The following GALNT14 variants were observed in gnomAD, a reference collection of about 807,000 sequenced individuals.
GALNT14 encodes UDP-GalNAc:polypeptide N-acetylgalactosaminyltransferase 14.
In GALNT14, 60 loss-of-function variants were observed where a neutral mutation model predicts 77.5. The ratio of observed to expected loss-of-function variants is 0.77; its 90% CI spans 0.63 to 0.96. GALNT14 has a LOEUF of 0.96. Ranked by LOEUF, GALNT14 falls within the 40% of genes least tolerant of loss-of-function variation. GALNT14 has a pLI of 0.00. For synonymous variants in GALNT14, 280 were observed against 281.7 expected (o/e 0.99, Z 0.06); for missense variants, 710 against 731.0 (o/e 0.97, Z 0.33).
chr2:30,994,947 C>T (rs895361059), intron 1 of GALNT14, among the ~76,000 whole-genome samples: 2 of 152,084 alleles, frequency 1.3e-5, no homozygotes, highest in Non-Finnish European at 2.9e-5. Flanking sequence ...GCTATGAGAG[C>T]AGAGGAGTGA....
intron 1 of GALNT14, among the ~76,000 whole-genome samples, chr2:31,053,020 C>T (rs960379640): frequency 9.2e-5 from 14 of 152,150 alleles, no homozygotes; most frequent in African/African-American, 3.1e-4. Flanking sequence ...GAGCCACTCA[C>T]TCAGCCCGGC....
intron 1 of GALNT14, among the ~76,000 whole-genome samples, chr2:31,012,948 T>A (rs1270506108): frequency 6.6e-6 from 1 of 151,716 alleles, no homozygotes; most frequent in Non-Finnish European, 1.5e-5. Context: ...AGCAATGGAA[T>A]AAAGAATGAT....
intron 6 of GALNT14, among the ~76,000 whole-genome samples, chr2:30,948,776 T>C (rs374248567): frequency 4.6e-5 from 7 of 152,186 alleles, no homozygotes; most frequent in African/African-American, 1.7e-4. Flanking sequence ...TTGTAGCAAG[T>C]TATTAAACCT....
intron 1 of GALNT14, among the ~76,000 whole-genome samples, chr2:30,995,915 T>C (rs1670003477): frequency 6.6e-6 from 1 of 152,224 alleles, no homozygotes; most frequent in Non-Finnish European, 1.5e-5. Context: ...GGATCTGTGG[T>C]GCTGGAGATC....
At chr2:30,955,309 C>T (rs1667294404) in intron 6 of GALNT14, among the ~76,000 whole-genome samples, 1 of 152,192 alleles carries the variant, frequency 6.6e-6, no homozygotes. Flanking sequence ...TCCGGTAGAA[C>T]CGGTTCTGGG....
chr2:30,933,295 T>A (rs1276226346), intron 9 of GALNT14, among the ~76,000 whole-genome samples: 2 of 152,166 alleles, frequency 1.3e-5, no homozygotes, highest in Non-Finnish European at 2.9e-5. Context: ...GCTCCTCATG[T>A]GTAGGTATTC....
chr2:30,954,335 A>C (rs1454528671), intron 6 of GALNT14, among the ~76,000 whole-genome samples: 6 of 152,224 alleles, frequency 3.9e-5, no homozygotes, highest in African/African-American at 1.4e-4. Flanking sequence ...ATATCAAAAA[A>C]GAGTAGGAGA....
chr2:31,082,518 C>G (rs868689678), intron 1 of GALNT14, among the ~76,000 whole-genome samples: 4 of 152,178 alleles, frequency 2.6e-5, no homozygotes, highest in Non-Finnish European at 4.4e-5. Context: ...GGAGGCTGAC[C>G]TGAAGCTGAA....
chr2:31,138,100 G>A lies in GALNT14; in HGVS notation c.-14C>T, dbSNP rs1480101320. ...CAGGCGCCGCATGGTCCCCTTTGCC[G>A]CTTCCTCTCCGCGGCGCTACGTCCC... On this transcript the variant is annotated 5_prime_UTR_variant, in exon 1 of 15. Transcript: ENST00000349752. 1.9e-6 allele frequency: 3 copies of A among 1,613,378 alleles called. No individual in the cohort carries two copies. The highest frequency in any genetic ancestry group is 2.5e-6 in the Non-Finnish European group (3 of 1,179,720).
chr2:30,988,806 A>G (rs1213344618), intron 2 of GALNT14, among the ~76,000 whole-genome samples: 1 of 152,236 alleles, frequency 6.6e-6, no homozygotes, highest in African/African-American at 2.4e-5. Flanking sequence ...TTTCTGATCC[A>G]GTAGTTCTGG....
At chr2:30,923,375 G>A (rs1029224745) in intron 13 of GALNT14, among the ~76,000 whole-genome samples, 2 of 152,118 alleles carry the variant, frequency 1.3e-5, no homozygotes, top group African/African-American at 4.8e-5. Flanking sequence ...CAGTCAGCAG[G>A]CCAAGTGCTA....
intron 2 of GALNT14, among the ~76,000 whole-genome samples, chr2:30,981,604 T>G (rs904832802): frequency 4.0e-5 from 6 of 148,262 alleles, no homozygotes; most frequent in Non-Finnish European, 7.4e-5. Context: ...TGCAGGGCCC[T>G]GGAGTCCTGT....
intron 1 of GALNT14, among the ~76,000 whole-genome samples, chr2:31,124,756 T>G (rs1014578561): frequency 6.6e-6 from 1 of 152,202 alleles, no homozygotes; most frequent in East Asian, 1.9e-4. Flanking sequence ...CCAGTATGAC[T>G]GTACTGGTAG....
chr2:31,101,270 C>G (rs756338045), intron 1 of GALNT14, among the ~76,000 whole-genome samples: 10 of 151,984 alleles, frequency 6.6e-5, no homozygotes, highest in Non-Finnish European at 1.3e-4. Flanking sequence ...ATGGATTAGT[C>G]TTCAAATATA....
chr2:31,128,870 A>G (rs1678831536), intron 1 of GALNT14, among the ~76,000 whole-genome samples: 1 of 152,166 alleles, frequency 6.6e-6, no homozygotes, highest in Non-Finnish European at 1.5e-5. Context: ...AAGAAAACCC[A>G]AAGTCCTCCA....
At chr2:31,013,840 T>A (rs1671184617) in intron 1 of GALNT14, among the ~76,000 whole-genome samples, 1 of 152,198 alleles carries the variant, frequency 6.6e-6, no homozygotes, top group Non-Finnish European at 1.5e-5. Flanking sequence ...ACTGAATCTA[T>A]GTAATTACAA....
intron 1 of GALNT14, chr2:31,125,343 A>T: frequency 1.1e-6 from 1 of 936,562 alleles, no homozygotes; most frequent in South Asian, 1.4e-5. Context: ...ACCCCTCACA[A>T]AGACTCTGTG....
intron 1 of GALNT14, among the ~76,000 whole-genome samples, chr2:31,052,787 C>T (rs1673962136): frequency 6.6e-6 from 1 of 152,142 alleles, no homozygotes; most frequent in Admixed American, 6.5e-5. Context: ...TACAGGACAC[C>T]CAATTAATTT....
intron 1 of GALNT14, among the ~76,000 whole-genome samples, chr2:31,100,085 A>G (rs1677189977): frequency 6.6e-6 from 1 of 151,820 alleles, no homozygotes; most frequent in East Asian, 1.9e-4. Context: ...TTTTTTGTTT[A>G]AATTTATTAT....
Sources: gnomAD v4.1 joint callset for allele counts (sites outside exome capture counted in the v4.1 genomes callset) on GRCh38, gnomAD v4.1.1 for gene constraint, MANE v1.5 for transcripts, NCBI Gene and HGNC (gene_info 2026-07-23, HGNC 2026-07-21) for gene names.